The following ELAVL2 variants were observed in gnomAD, a reference collection of about 807,000 sequenced individuals.
ELAVL2 encodes ELAV like RNA binding protein 2, also known as ELAV-like protein 2.
In ELAVL2, 4 loss-of-function variants were observed where a neutral mutation model predicts 34.6. The observed-to-expected ratio is 0.12, with a 90% confidence interval of 0.06 to 0.26. The LOEUF is 0.26. Ranked by LOEUF, ELAVL2 falls within the 10% of genes least tolerant of loss-of-function variation. The pLI is 1.00. For synonymous variants in ELAVL2, 193 were observed against 154.8 expected (o/e 1.25, Z -1.83); for missense variants, 432 against 442.8 (o/e 0.98, Z 0.22).
At chr9:23,743,727 T>C (rs1206803653) in intron 2 of ELAVL2, among the ~76,000 whole-genome samples, 2 of 152,198 alleles carry the variant, frequency 1.3e-5, no homozygotes, top group African/African-American at 4.8e-5. Context: ...CTCTTAAATG[T>C]ATAACAGGGT....
At chr9:23,845,036 C>G in the ELAVL2 span, among the ~76,000 whole-genome samples, 1 of 151,536 alleles carries the variant, frequency 6.6e-6, no homozygotes, top group South Asian at 2.1e-4. Context: ...ACAGTTATGA[C>G]AAAACAATAA....
chr9:23,722,021 GCT>G (rs2043859920), intron 3 of ELAVL2, among the ~76,000 whole-genome samples: 1 of 152,168 alleles, frequency 6.6e-6, no homozygotes, highest in Non-Finnish European at 1.5e-5. Context: ...CAACTGTACA[GCT>G]CTGTCTCATT....
At chr9:23,756,939 T>A (rs1032803123) in intron 2 of ELAVL2, among the ~76,000 whole-genome samples, 9 of 152,120 alleles carry the variant, frequency 5.9e-5, no homozygotes, top group African/African-American at 2.2e-4. Flanking sequence ...TCATTACAAG[T>A]GATTCCAATG....
At chr9:23,693,819 T>C (rs2132706625) in intron 5 of ELAVL2, among the ~76,000 whole-genome samples, 1 of 152,332 alleles carries the variant, frequency 6.6e-6, no homozygotes, top group South Asian at 2.1e-4. Flanking sequence ...AATGTATAGC[T>C]ACATGTTCTT....
At chr9:23,784,155 G>A (rs369354072) in intron 1 of ELAVL2, among the ~76,000 whole-genome samples, 20 of 151,778 alleles carry the variant, frequency 1.3e-4, no homozygotes, top group South Asian at 6.3e-4. Context: ...CCGAGATTGC[G>A]CCACGACACT....
chr9:23,785,437 G>C (rs534239189), intron 1 of ELAVL2, among the ~76,000 whole-genome samples: 1 of 152,268 alleles, frequency 6.6e-6, no homozygotes, highest in South Asian at 2.1e-4. Context: ...GGACAAAAAA[G>C]GACTTAGGAT....
intron 1 of ELAVL2, among the ~76,000 whole-genome samples, chr9:23,766,887 A>C (rs1275669988): frequency 6.6e-6 from 1 of 151,908 alleles, no homozygotes; most frequent in Non-Finnish European, 1.5e-5. Context: ...TGGCTCTGAA[A>C]CTCTTCGGAA....
chr9:23,799,228 G>A (rs557529500), intron 1 of ELAVL2, among the ~76,000 whole-genome samples: 8 of 152,174 alleles, frequency 5.3e-5, no homozygotes, highest in African/African-American at 1.7e-4. Flanking sequence ...AGTACCTCTC[G>A]CCTATGACTT....
At chr9:23,731,181 T>A (rs2046438487) in intron 2 of ELAVL2, 56 bp from the exon 3 acceptor site, 1 of 1,488,964 alleles carries the variant, frequency 6.7e-7, no homozygotes, top group Non-Finnish European at 9.1e-7. Context: ...TTGACAGAGA[T>A]CAACTTTCAT....
In ELAVL2 at chr9:23,691,696, T is replaced by C. The variant is rs1225120670; in HGVS notation, c.*861A>G. 3 of 152,672 alleles carry C rather than the reference T, an allele frequency of 2.0e-5. No homozygotes were observed. The East Asian group carries it at 5.8e-4, about 29-fold the overall frequency. 9.5% of individuals were successfully genotyped at this position (152,672 alleles called of 1,614,324 possible). A position where few individuals can be genotyped will look rare whatever the true frequency, so the allele number is the denominator to read the frequency against. On this transcript the variant is annotated 3_prime_UTR_variant, in exon 7 of 7. Transcript: ENST00000397312. ...TGAAACCAGCAGTGTTTCCCCCCAT[T>C]GATTCTACTCCTTTCATACAAAGAT...
intron 1 of ELAVL2, among the ~76,000 whole-genome samples, chr9:23,771,347 A>G (rs1485329722): frequency 6.6e-6 from 1 of 152,174 alleles, no homozygotes; most frequent in Non-Finnish European, 1.5e-5. Context: ...TGCTCTGGAC[A>G]CTAAGAACAC....
intron 1 of ELAVL2, among the ~76,000 whole-genome samples, chr9:23,803,506 C>T (rs1323368227): frequency 6.6e-6 from 1 of 152,126 alleles, no homozygotes; most frequent in East Asian, 1.9e-4. Flanking sequence ...AGCCCTGGTG[C>T]GTTCCTCCTC....
chr9:23,701,902 C>G (rs1330207129), intron 4 of ELAVL2, among the ~76,000 whole-genome samples: 1 of 152,120 alleles, frequency 6.6e-6, no homozygotes, highest in Admixed American at 6.5e-5. Context: ...TTTTCTCTCT[C>G]TCCCACCTCC....
At chr9:23,720,177 A>AC (rs1177539770) in intron 3 of ELAVL2, among the ~76,000 whole-genome samples, 1 of 138,910 alleles carries the variant, frequency 7.2e-6, no homozygotes, top group Non-Finnish European at 1.5e-5. Context: ...ACACCCTTTC[A>AC]CCTTTTTTTT....
At chr9:23,742,599 C>G (rs146399606) in intron 2 of ELAVL2, among the ~76,000 whole-genome samples, 3 of 152,036 alleles carry the variant, frequency 2.0e-5, no homozygotes, top group African/African-American at 7.2e-5. Context: ...TGCTATAGAC[C>G]GATATGTACA....
intron 1 of ELAVL2, among the ~76,000 whole-genome samples, chr9:23,784,828 C>T (rs1338265796): frequency 6.6e-6 from 1 of 152,114 alleles, no homozygotes; most frequent in Non-Finnish European, 1.5e-5. Context: ...GTAAATTGAT[C>T]ATGTACAAGA....
the ELAVL2 span, among the ~76,000 whole-genome samples, chr9:23,833,235 A>C: frequency 6.6e-6 from 1 of 151,868 alleles, no homozygotes; most frequent in African/African-American, 2.4e-5. Flanking sequence ...AAGAAATATT[A>C]TTTTAATGAA....
chr9:23,737,140 A>G (rs1437227902), intron 2 of ELAVL2, among the ~76,000 whole-genome samples: 1 of 152,200 alleles, frequency 6.6e-6, no homozygotes, highest in Non-Finnish European at 1.5e-5. Flanking sequence ...CTGCTGAGCA[A>G]GGGCAAGCAG....
intron 5 of ELAVL2, among the ~76,000 whole-genome samples, chr9:23,698,106 A>C (rs2035893672): frequency 6.6e-6 from 1 of 152,206 alleles, no homozygotes; most frequent in East Asian, 1.9e-4. Flanking sequence ...CTTTTTAAAA[A>C]ATGCATAAAG....
Sources: gnomAD v4.1 joint callset for allele counts (sites outside exome capture counted in the v4.1 genomes callset) on GRCh38, gnomAD v4.1.1 for gene constraint, MANE v1.5 for transcripts, NCBI Gene and HGNC (gene_info 2026-07-23, HGNC 2026-07-21) for gene names.